The following YTHDC2 variants were observed in gnomAD, a reference collection of about 807,000 sequenced individuals.
YTHDC2 encodes 3'-5' RNA helicase YTHDC2.
Under a neutral mutation model 174.9 loss-of-function variants are expected in YTHDC2, and 45 were observed. The ratio of observed to expected loss-of-function variants is 0.26; its 90% CI spans 0.20 to 0.33. The LOEUF (loss-of-function observed/expected upper bound fraction) is 0.33, where lower values mean the gene tolerates loss of function less well. YTHDC2 is among the 10% of genes least tolerant of loss of function. The pLI is 1.00. For synonymous variants in YTHDC2, 657 were observed against 574.5 expected, an observed-to-expected ratio of 1.14 and a Z score of -2.05; for missense variants, 1,650 against 1,723.7, an observed-to-expected ratio of 0.96 and a Z score of 0.76.
chr5:113,579,555 G>A (rs1253803722), intron 23 of YTHDC2, 31 bp from the exon 24 acceptor site: 6 of 1,526,732 alleles, frequency 3.9e-6, no homozygotes, highest in African/African-American at 2.8e-5. Flanking sequence ...GAAGGTAAAA[G>A]TGATTTTTTT....
At position 113,564,010 on chromosome 5, in the gene YTHDC2, C is replaced by T; in HGVS notation, c.2594C>T (p.Ala865Val). 6.2e-7 allele frequency: 1 copy of T among 1,614,098 alleles called. No homozygotes were observed. Among genetic ancestry groups the T allele is most frequent in the Non-Finnish European group, 8.5e-7 (1 of 1,180,018 alleles). The change falls in exon 20 of 30, where the codon GCT (alanine) becomes GTT (valine). Residue 865 changes from alanine (A) to valine (V), a missense_variant. By Grantham distance (64) the Ala-to-Val change is moderately conservative. Coordinates refer to ENST00000161863, the MANE Select transcript of YTHDC2 (RefSeq NM_022828.5). ...ATCCTTACAATTGCTTGCACACTAG[C>T]TTATCGAGATCCTTTTGTACTACCT... is the stretch of plus-strand genomic sequence containing the variant. ...DPILTIACTL[A>V]YRDPFVLPTQ...
Position 113,592,074 on chromosome 5 carries a change from A to C in YTHDC2, c.4108A>C (p.Lys1370Gln), listed in dbSNP as rs935841502. 17 of 1,613,088 alleles carry C rather than the reference A, an allele frequency of 1.1e-5. No individual in the cohort carries two copies. The highest frequency in any genetic ancestry group is 1.4e-5 in the Non-Finnish European group (17 of 1,179,494). ...WGSAGLGGVF[K>Q]VEWIRKESLP... is the part of the protein sequence containing the mutation. ...CTCTGCTGGACTAGGAGGAGTATTT[A>C]AGGTGGAGTGGATACGAAAAGAAAG... The change falls in exon 28 of 30, where the codon AAG becomes CAG. Residue 1370 changes from lysine to glutamine, a missense_variant. Around this residue, in one of 5 missense-constraint regions of YTHDC2, gnomAD observed 913 missense variants for 940.4 expected, o/e 0.97. Coordinates refer to ENST00000161863, the MANE Select transcript of YTHDC2 (RefSeq NM_022828.5).
chr5:113,575,685 A>G (rs139604169), intron 23 of YTHDC2, among the ~76,000 whole-genome samples: 1 of 152,350 alleles, frequency 6.6e-6, no homozygotes, highest in Admixed American at 6.5e-5. Context: ...CTTGTAGGCC[A>G]TAGAAATGCA....
intron 12 of YTHDC2, among the ~76,000 whole-genome samples, chr5:113,552,714 T>G (rs1776331565): frequency 6.6e-6 from 1 of 152,116 alleles, no homozygotes; most frequent in African/African-American, 2.4e-5. Context: ...AACTCTATGT[T>G]TAACCTTTTG....
chr5:113,577,106 A>G (rs1778105204), intron 23 of YTHDC2, among the ~76,000 whole-genome samples: 1 of 152,148 alleles, frequency 6.6e-6, no homozygotes, highest in Non-Finnish European at 1.5e-5. Flanking sequence ...GAAAGCTTGC[A>G]TGATTGCATG....
At chr5:113,554,047 T>C in intron 16 of YTHDC2, 25 bp downstream of exon 16, 1 of 1,470,700 alleles carries the variant, frequency 6.8e-7, no homozygotes, top group East Asian at 2.4e-5. Context: ...GTTGTAGTTT[T>C]ACTTAAATGA....
At chr5:113,561,056 C>T (rs766484534) in intron 17 of YTHDC2, 24 bp from the exon 18 acceptor site, 63 of 1,573,294 alleles carry the variant, frequency 4.0e-5, no homozygotes, top group Non-Finnish European at 5.4e-5. Context: ...TGTTTGAGTC[C>T]TAATCTTGTA....
At chr5:113,591,849 C>G in intron 27 of YTHDC2, 147 bp from the exon 28 acceptor site, 1 of 573,152 alleles carries the variant, frequency 1.7e-6, no homozygotes, top group East Asian at 3.5e-5. Context: ...AATTTAGTAG[C>G]TTATTTTTTG....
chr5:113,551,143 T>C (rs1020403134), intron 12 of YTHDC2, among the ~76,000 whole-genome samples: 23 of 152,070 alleles, frequency 1.5e-4, no homozygotes, highest in African/African-American at 5.3e-4. Flanking sequence ...GTCTCAAAAT[T>C]CTTGGTAGGT....
Position 113,585,468 on chromosome 5 carries a change from T to C in YTHDC2, c.3825+989T>C, listed in dbSNP as rs565829434. Among the ~76,000 whole-genome samples, 3 of 152,204 alleles carry C rather than the reference T, an allele frequency of 2.0e-5. No homozygotes were observed. In the South Asian group the frequency reaches 6.2e-4, roughly 32 times the overall value. On this transcript the variant is annotated intron_variant, in intron 26 of 29. Transcript: ENST00000161863. ...ATTCTTAGGTTTTGAAGTTTTTTGG[T>C]TTATTTATACACCTTTATTAAGGTG...
chr5:113,584,551 G>A (rs1468338821), intron 26 of YTHDC2, 72 bp downstream of exon 26: 2 of 1,282,064 alleles, frequency 1.6e-6, no homozygotes, highest in African/African-American at 1.5e-5. Context: ...AAATAAAATT[G>A]TAAAACAATT....
chr5:113,561,952 TTGTGGGTG>T (rs1777004563), intron 18 of YTHDC2, among the ~76,000 whole-genome samples: 1 of 102,534 alleles, frequency 9.8e-6, no homozygotes, highest in African/African-American at 4.3e-5. Context: ...CCTCTATTAA[TTGTGGGTG>T]TGTGTGTGTG....
chr5:113,534,181 A>G, intron 5 of YTHDC2, 124 bp from the exon 6 acceptor site: 1 of 689,244 alleles, frequency 1.5e-6, no homozygotes, highest in Non-Finnish European at 2.5e-6. Flanking sequence ...AATAAACTGT[A>G]CATACCGGTA....
chr5:113,547,430 A>G (rs773473429), intron 10 of YTHDC2, among the ~76,000 whole-genome samples: 2 of 152,186 alleles, frequency 1.3e-5, no homozygotes, highest in Admixed American at 6.5e-5. Context: ...AATACATGCC[A>G]TTATATATTT....
chr5:113,541,056 A>G lies in YTHDC2; in HGVS notation c.1299A>G (p.Leu433=), dbSNP rs1371903688. The stretch of plus-strand genomic sequence containing the variant: ...AATCTCAGAGGCAGAGAACTGTTCT[A>G]AATGTGACTGATGAGTATGACTTAC... ...KPESQRQRTV[L]NVTDEYDLLD... Residue 433 remains leucine (L), a synonymous_variant, in exon 9 of 30, where the codon CTA becomes CTG. Coordinates refer to ENST00000161863, the MANE Select transcript of YTHDC2 (RefSeq NM_022828.5). 5 of 1,614,088 alleles carry G rather than the reference A, an allele frequency of 3.1e-6. No individual in the cohort carries two copies. Among genetic ancestry groups the G allele is most frequent in the Non-Finnish European group, 4.2e-6 (5 of 1,180,034 alleles).
intron 24 of YTHDC2, among the ~76,000 whole-genome samples, chr5:113,580,898 C>T (rs1297562119): frequency 6.6e-6 from 1 of 152,102 alleles, no homozygotes; most frequent in East Asian, 1.9e-4. Flanking sequence ...TGTGTTTGTG[C>T]CTTAAATTTT....
At chr5:113,550,046 C>G (rs995514423) in intron 12 of YTHDC2, among the ~76,000 whole-genome samples, 2 of 151,862 alleles carry the variant, frequency 1.3e-5, no homozygotes, top group African/African-American at 4.8e-5. Flanking sequence ...CCTATGTACT[C>G]CTTTATTAGG....
chr5:113,556,176 A>G (rs746663777), intron 17 of YTHDC2, 42 bp downstream of exon 17: 9 of 1,227,590 alleles, frequency 7.3e-6, no homozygotes, highest in Non-Finnish European at 9.4e-6. Context: ...TGCCTGTAAA[A>G]TGGAAACGTT....
intron 18 of YTHDC2, among the ~76,000 whole-genome samples, chr5:113,563,104 T>C (rs1429839194): frequency 6.6e-6 from 1 of 151,896 alleles, no homozygotes; most frequent in Non-Finnish European, 1.5e-5. Context: ...ATGAATGTTA[T>C]GTATACGAAC....
Sources: gnomAD v4.1 joint callset for allele counts (sites outside exome capture counted in the v4.1 genomes callset) on GRCh38, gnomAD v4.1.1 for gene constraint, gnomAD v4.1.1 regional missense constraint, MANE v1.5 for transcripts, NCBI Gene and HGNC (gene_info 2026-07-23, HGNC 2026-07-21) for gene names.